PPP2R5B: variants seen among roughly 807,000 people sequenced by gnomAD.
PPP2R5B encodes the protein serine/threonine-protein phosphatase 2A 56 kDa regulatory subunit beta isoform.
In PPP2R5B, 19 loss-of-function variants were observed where a neutral mutation model predicts 59.9. That is an observed-to-expected ratio of 0.32 (90% CI 0.22 to 0.47). The LOEUF (loss-of-function observed/expected upper bound fraction) is 0.47, where lower values mean the gene tolerates loss of function less well. Among genes scored for constraint, PPP2R5B ranks in the 20% least tolerant of loss-of-function variants. The pLI, the probability that PPP2R5B is intolerant of heterozygous loss-of-function variation, is 1.00. For missense variants in PPP2R5B, 441 were observed against 640.2 expected (o/e 0.69, Z 3.36); for synonymous variants, 286 against 260.5 (o/e 1.10, Z -0.94).
At position 64,925,614 on chromosome 11, in the gene PPP2R5B, G is replaced by GGCC. The variant is rs1945151623; in HGVS notation, c.-121_-120insGCC. On this transcript the variant is annotated 5_prime_UTR_variant, in exon 2 of 14. Transcript: ENST00000164133. This position sits in a 1 kb window ranked among gnomAD's most constrained non-coding sequence, Gnocchi z 4.6. ...GGGGGGGGCCCAGGACTGTGGTTGT[G>GGCC]CCCCCCCCCCAAAGGCCGGACAGGA... 99 of 450,968 alleles carry GGCC rather than the reference G, an allele frequency of 2.2e-4. No individual in the cohort carries two copies. The highest frequency in any genetic ancestry group is 4.4e-4 in the East Asian group (8 of 18,386). 27.9% of individuals were successfully genotyped at this position (450,968 alleles called of 1,614,324 possible).
intron 1 of PPP2R5B, chr11:64,918,420 C>CA: frequency 6.6e-6 from 1 of 152,398 alleles, no homozygotes; most frequent in Non-Finnish European, 1.5e-5. Context: ...TGCAGTGGCA[C>CA]AATCTTGGCT....
Position 64,927,910 on chromosome 11 carries a change from A to T in PPP2R5B, c.498+7A>T, listed in dbSNP as rs769758414. 8 of 1,592,200 alleles carry T rather than the reference A, an allele frequency of 5.0e-6. No individual in the cohort carries two copies. The highest frequency in any genetic ancestry group is 6.9e-6 in the Non-Finnish European group (8 of 1,160,152). ...TTCGTGGCCACACCTGCAGGTCTGA[A>T]GGGTTGGGGAAGACAGAGATCCAAG... On this transcript the variant is annotated splice_region_variant and intron_variant, in intron 4 of 13. Transcript: ENST00000164133.
At chr11:64,932,959 C>T (rs1590681354) in intron 12 of PPP2R5B, 67 bp downstream of exon 12, 2 of 1,592,930 alleles carry the variant, frequency 1.3e-6, no homozygotes, top group South Asian at 2.2e-5. Context: ...AGACCCGACC[C>T]CAGGGTTACT....
At chr11:64,928,010 A>G in intron 4 of PPP2R5B, 56 bp from the exon 5 acceptor site, 4 of 1,583,584 alleles carry the variant, frequency 2.5e-6, no homozygotes, top group South Asian at 1.1e-5. Flanking sequence ...CATAGGGTGG[A>G]ATGAGTGGGT....
chr11:64,920,223 C>A (rs551188635), upstream of PPP2R5B, among the ~76,000 whole-genome samples: 10 of 152,304 alleles, frequency 6.6e-5, no homozygotes, highest in African/African-American at 2.4e-4. Flanking sequence ...CCTTTCTAGG[C>A]CCCTGGAGCC....
chr11:64,932,720 A>T, intron 11 of PPP2R5B, 45 bp from the exon 12 acceptor site: 1 of 1,602,000 alleles, frequency 6.2e-7, no homozygotes, highest in Non-Finnish European at 8.5e-7. Context: ...GCACACAGAG[A>T]GAAGCCACTG....
chr11:64,930,429 G>T (rs373516011), intron 7 of PPP2R5B, 48 bp downstream of exon 7: 1 of 1,613,620 alleles, frequency 6.2e-7, no homozygotes, highest in South Asian at 1.1e-5. Flanking sequence ...TGGAAGGAGG[G>T]ACTGGGGCCA....
chr11:64,922,869 C>T (rs1945122824), upstream of PPP2R5B: 1 of 149,576 alleles, frequency 6.7e-6, no homozygotes, highest in South Asian at 2.1e-4. Flanking sequence ...AGCGAGACTC[C>T]ATCTCAAAAA....
At chr11:64,930,301 A>C (rs778930495) in intron 6 of PPP2R5B, 21 bp from the exon 7 acceptor site, 1 of 1,613,746 alleles carries the variant, frequency 6.2e-7, no homozygotes, top group South Asian at 1.1e-5. Context: ...CTTTGAGCCC[A>C]CCTGCGTTCT....
At position 64,925,300 on chromosome 11, in the gene PPP2R5B, G is replaced by A. The variant is rs558734233; in HGVS notation, c.-264-171G>A. Among the ~76,000 whole-genome samples, 1 of 152,208 alleles carries A rather than the reference G, an allele frequency of 6.6e-6. No individual in the cohort carries two copies. The highest frequency in any genetic ancestry group is 2.1e-4 in the South Asian group (1 of 4,826). On this transcript the variant is annotated intron_variant, in intron 1 of 13. Coordinates refer to ENST00000164133, the MANE Select transcript of PPP2R5B (RefSeq NM_006244.4). This position sits in a 1 kb window ranked among gnomAD's most constrained non-coding sequence, Gnocchi z 4.6. Reference sequence around the variant, plus strand: ...TGGAGGCTTTCTGTCTGAGAGAAGGGAGGGACATGTCCAGGATGGGAGGGG... The same window carrying A: ...TGGAGGCTTTCTGTCTGAGAGAAGGAAGGGACATGTCCAGGATGGGAGGGG...
At chr11:64,920,943 C>CTAAATA (rs1554967935), upstream of PPP2R5B, among the ~76,000 whole-genome samples, 1 of 134,930 alleles carries the variant, frequency 7.4e-6, no homozygotes. Flanking sequence ...TCCAGCAGTT[C>CTAAATA]TATATATATA....
At chr11:64,930,430 A>T in intron 7 of PPP2R5B, 49 bp downstream of exon 7, 2 of 1,613,488 alleles carry the variant, frequency 1.2e-6, no homozygotes, top group Non-Finnish European at 1.7e-6. Flanking sequence ...GGAAGGAGGG[A>T]CTGGGGCCAG....
intron 6 of PPP2R5B, among the ~76,000 whole-genome samples, chr11:64,928,828 G>A (rs1212862702): frequency 1.3e-5 from 2 of 152,174 alleles, no homozygotes; most frequent in Non-Finnish European, 2.9e-5. Flanking sequence ...AGCTTGCAGT[G>A]AGCCGAGACT....
Position 64,928,051 on chromosome 11 carries a change from GT to G in PPP2R5B, c.499-14del, listed in dbSNP as rs1392609331. 6.2e-7 allele frequency: 1 copy of G among 1,613,146 alleles called. No homozygotes were observed. Among genetic ancestry groups the G allele is most frequent in the African/African-American group, 1.3e-5 (1 of 74,896 alleles). ...TGTTACTGAACTCACCTTTTTGTCT[GT>G]CCCCCTCCCCCAGCTGGTATATGAG... On this transcript the variant is annotated splice_polypyrimidine_tract_variant and intron_variant, in intron 4 of 13. Coordinates refer to ENST00000164133, the MANE Select transcript of PPP2R5B (RefSeq NM_006244.4).
At chr11:64,927,671 C>A (rs184853860) in intron 3 of PPP2R5B, 131 bp from the exon 4 acceptor site, 1 of 697,874 alleles carries the variant, frequency 1.4e-6, no homozygotes. Flanking sequence ...TGTACCACTG[C>A]GCTCCAGCTT....
At chr11:64,919,024 A>G (rs576853181) in intron 1 of PPP2R5B, among the ~76,000 whole-genome samples, 12 of 152,318 alleles carry the variant, frequency 7.9e-5, no homozygotes, top group African/African-American at 2.9e-4. Context: ...TCAGGGAGGC[A>G]GGCTGATAGG....
chr11:64,930,425 G>C, intron 7 of PPP2R5B, 44 bp downstream of exon 7: 1 of 1,613,678 alleles, frequency 6.2e-7, no homozygotes, highest in South Asian at 1.1e-5. Flanking sequence ...ATTCTGGAAG[G>C]AGGGACTGGG....
chr11:64,931,929 C>T lies in PPP2R5B; in HGVS notation c.1116+61C>T, dbSNP rs981448949. 5.7e-6 allele frequency: 9 copies of T among 1,578,510 alleles called. No homozygotes were observed. In the South Asian group the frequency reaches 6.9e-5, roughly 12 times the overall value. ...TGGCCTGGAAAGGTTGGGTAGCTGA[C>T]CTAATAAAGCTCCCTTTGCCCTCAG... On this transcript the variant is annotated intron_variant, in intron 11 of 13. Coordinates refer to ENST00000164133, the MANE Select transcript of PPP2R5B (RefSeq NM_006244.4). The surrounding 1 kb of genome is among the most constrained non-coding windows in gnomAD (Gnocchi z 5.0).
rs1038082980 is a variant in PPP2R5B at position 64,933,595 on chromosome 11, T to A, written c.1347-102T>A. On this transcript the variant is annotated intron_variant, in intron 13 of 13. Transcript: ENST00000164133. Reference sequence around the variant, plus strand: ...CACAGAACAAAAATGGTTCCATGCCTTCCCTTTGCCGGTGGGGTGGTAGTG... The same window carrying A: ...CACAGAACAAAAATGGTTCCATGCCATCCCTTTGCCGGTGGGGTGGTAGTG... 3 of 1,403,496 alleles carry A rather than the reference T, an allele frequency of 2.1e-6. No homozygotes were observed. In the South Asian group the frequency reaches 4.5e-5, roughly 21 times the overall value. 86.9% of individuals were successfully genotyped at this position (1,403,496 alleles called of 1,614,324 possible). A position where few individuals can be genotyped will look rare whatever the true frequency, so the allele number is the denominator to read the frequency against.
Sources: gnomAD v4.1 joint callset for allele counts (sites outside exome capture counted in the v4.1 genomes callset) on GRCh38, gnomAD v4.1.1 for gene constraint, Gnocchi (gnomAD v3.1) non-coding constraint, MANE v1.5 for transcripts, NCBI Gene and HGNC (gene_info 2026-07-23, HGNC 2026-07-21) for gene names.